Variants in HNRNPM observed in about 807,000 individuals in gnomAD.
HNRNPM encodes the protein heterogeneous nuclear ribonucleoprotein M.
Under a neutral mutation model 73.1 loss-of-function variants are expected in HNRNPM, and 11 were observed. That is an observed-to-expected ratio of 0.15 (90% confidence interval 0.09 to 0.25). The LOEUF is 0.25. HNRNPM is among the 10% of genes least tolerant of loss of function. HNRNPM has a pLI of 1.00. For missense variants in HNRNPM, 789 were observed against 1,067.9 expected, an observed-to-expected ratio of 0.74 and a Z score of 3.64; for synonymous variants, 407 against 355.2, an observed-to-expected ratio of 1.15 and a Z score of -1.64.
chr19:8,477,524 G>A (rs559245059), intron 12 of HNRNPM, among the ~76,000 whole-genome samples: 10 of 152,064 alleles, frequency 6.6e-5, no homozygotes, highest in East Asian at 1.9e-4. Context: ...GCATGATGCC[G>A]TACACCTGTG....
chr19:8,457,243 A>C (rs1969086031), intron 2 of HNRNPM, among the ~76,000 whole-genome samples: 1 of 152,186 alleles, frequency 6.6e-6, no homozygotes, highest in African/African-American at 2.4e-5. Context: ...TTACTGCTTT[A>C]CCATTCAGTA....
At chr19:8,485,158 G>T (rs1348110394) in intron 13 of HNRNPM, among the ~76,000 whole-genome samples, 1 of 152,036 alleles carries the variant, frequency 6.6e-6, no homozygotes, top group South Asian at 2.1e-4. Flanking sequence ...GGGAGGGGAA[G>T]GTGGGAGTGA....
At chr19:8,465,116 C>T (rs537166695) in intron 5 of HNRNPM, among the ~76,000 whole-genome samples, 1 of 152,302 alleles carries the variant, frequency 6.6e-6, no homozygotes, top group Non-Finnish European at 1.5e-5. Context: ...TAGTGCTACA[C>T]TTCATGCCTT....
Position 8,462,673 on chromosome 19 carries a change from TG to T in HNRNPM, c.336+93del. ...GAATCGAATGAAATCAGGAAGGCAG[TG>T]AGTGCTCATGTTACAGTAGCTATGT... On this transcript the variant is annotated intron_variant, in intron 3 of 15. Transcript: ENST00000325495. This position sits in a 1 kb window ranked among gnomAD's most constrained non-coding sequence, Gnocchi z 4.5. 5 of 1,043,720 alleles carry T rather than the reference TG, an allele frequency of 4.8e-6. No individual in the cohort carries two copies. The highest frequency in any genetic ancestry group is 7.6e-6 in the Non-Finnish European group (5 of 660,588). The allele number at this position is 1,043,720 out of a possible 1,614,324, so 64.7% of individuals were successfully genotyped here.
At chr19:8,455,022 T>C (rs1968906960) in intron 1 of HNRNPM, among the ~76,000 whole-genome samples, 1 of 152,234 alleles carries the variant, frequency 6.6e-6, no homozygotes. Context: ...CACCCTAGGC[T>C]GGAGTGCAGT....
intron 6 of HNRNPM, among the ~76,000 whole-genome samples, chr19:8,465,853 T>C (rs1182519912): frequency 6.6e-6 from 1 of 152,148 alleles, no homozygotes; most frequent in East Asian, 1.9e-4. Flanking sequence ...TCTTGTTGTG[T>C]CTGGGGTGAA....
chr19:8,468,735 A>G, intron 8 of HNRNPM, 39 bp from the exon 9 acceptor site: 1 of 1,533,316 alleles, frequency 6.5e-7, no homozygotes, highest in Non-Finnish European at 9.0e-7. Flanking sequence ...ACACTGCTGC[A>G]CTGGATACTG....
In HNRNPM at chr19:8,488,715, A is replaced by G. The variant is rs995685082; in HGVS notation, c.2054A>G (p.Lys685Arg). The G allele has an allele frequency of 3.1e-6, 5 of 1,614,050 alleles. No homozygotes were observed. The highest frequency in any genetic ancestry group is 4.2e-6 in the Non-Finnish European group (5 of 1,179,942). Reference protein sequence around the residue: ...ECGHVLYADIKMENGKSKGCG... With the variant: ...ECGHVLYADIRMENGKSKGCG... ...GGCCACGTGCTGTACGCCGACATCA[A>G]GATGGAGAATGGGAAGTCCAAGGGG... Residue 685 changes from lysine (K) to arginine (R), a missense_variant, in exon 16 of 16, where the codon AAG becomes AGG. Transcript: ENST00000325495.
At chr19:8,475,015 C>A (rs976755551) in intron 12 of HNRNPM, among the ~76,000 whole-genome samples, 2 of 152,178 alleles carry the variant, frequency 1.3e-5, no homozygotes. Flanking sequence ...GTGCTCGGCA[C>A]CTGCCCCCAA....
chr19:8,476,897 G>T (rs1291270021), intron 12 of HNRNPM, among the ~76,000 whole-genome samples: 1 of 27,428 alleles, frequency 3.6e-5, no homozygotes, highest in Non-Finnish European at 7.3e-5. Flanking sequence ...CACCACCACC[G>T]ACTCCTGGGC....
intron 1 of HNRNPM, among the ~76,000 whole-genome samples, chr19:8,446,106 G>C (rs1181523630): frequency 6.6e-6 from 1 of 152,114 alleles, no homozygotes; most frequent in Non-Finnish European, 1.5e-5. Flanking sequence ...GGGAAGCCTG[G>C]GTACACATTG....
chr19:8,476,525 G>A (rs1278816779), intron 12 of HNRNPM, among the ~76,000 whole-genome samples: 5 of 151,662 alleles, frequency 3.3e-5, no homozygotes, highest in South Asian at 2.1e-4. Context: ...GGCCAGGCGC[G>A]GTGGCTCACA....
At chr19:8,466,122 CA>C in intron 6 of HNRNPM, 112 bp from the exon 7 acceptor site, 1 of 1,048,072 alleles carries the variant, frequency 9.5e-7, no homozygotes. Context: ...GTTTTTGTGA[CA>C]TTATTTCCTA....
intron 14 of HNRNPM, among the ~76,000 whole-genome samples, 177 bp from the exon 15 acceptor site, chr19:8,486,847 G>A (rs759391866): frequency 6.6e-6 from 1 of 152,184 alleles, no homozygotes; most frequent in Non-Finnish European, 1.5e-5. Context: ...TGGCTGTGCC[G>A]CTTCACAGCC....
chr19:8,452,183 G>T (rs1490226705), intron 1 of HNRNPM, among the ~76,000 whole-genome samples: 1 of 152,182 alleles, frequency 6.6e-6, no homozygotes, highest in Non-Finnish European at 1.5e-5. Context: ...TAGACACTTT[G>T]TTACCTGCTT....
At chr19:8,467,460 T>TA (rs1365401788) in intron 7 of HNRNPM, 75 bp from the exon 8 acceptor site, 1 of 1,025,682 alleles carries the variant, frequency 9.7e-7, no homozygotes, top group African/African-American at 1.6e-5. Flanking sequence ...GCAGTTGGAG[T>TA]ATTTTTCTTT....
At chr19:8,469,781 C>T (rs1191299098) in intron 9 of HNRNPM, among the ~76,000 whole-genome samples, 1 of 152,208 alleles carries the variant, frequency 6.6e-6, no homozygotes, top group Non-Finnish European at 1.5e-5. Context: ...TGACCTCCAC[C>T]AGGCGGGTTG....
At chr19:8,474,679 A>G (rs1970380929) in intron 12 of HNRNPM, among the ~76,000 whole-genome samples, 1 of 151,746 alleles carries the variant, frequency 6.6e-6, no homozygotes, top group South Asian at 2.1e-4. Flanking sequence ...ACATAATGCA[A>G]ATTCTGGTTT....
intron 12 of HNRNPM, among the ~76,000 whole-genome samples, chr19:8,474,749 C>G (rs1376655043): frequency 6.8e-6 from 1 of 146,044 alleles, no homozygotes; most frequent in African/African-American, 2.5e-5. Context: ...GGGTCTCACT[C>G]TGTCACCTAG....
Sources: gnomAD v4.1 joint callset for allele counts (sites outside exome capture counted in the v4.1 genomes callset) on GRCh38, gnomAD v4.1.1 for gene constraint, Gnocchi (gnomAD v3.1) non-coding constraint, MANE v1.5 for transcripts, NCBI Gene and HGNC (gene_info 2026-07-23, HGNC 2026-07-21) for gene names.